TPTE: variants seen among roughly 807,000 people sequenced by gnomAD.
The protein encoded by TPTE is putative tyrosine-protein phosphatase TPTE.
In TPTE, 59 loss-of-function variants were observed where a neutral mutation model predicts 84.1. That is an observed-to-expected ratio of 0.70 (90% CI 0.57 to 0.87). The LOEUF (loss-of-function observed/expected upper bound fraction) is 0.87. TPTE is among the 40% of genes least tolerant of loss of function. The pLI, the probability that TPTE is intolerant of heterozygous loss-of-function variation, is 0.00. For synonymous variants in TPTE, 130 were observed against 223.5 expected (o/e 0.58, Z 3.73); for missense variants, 382 against 659.6 (o/e 0.58, Z 4.61).
intron 17 of TPTE, among the ~76,000 whole-genome samples, chr21:10,579,738 GC>G (rs1367358527): frequency 7.9e-5 from 12 of 151,676 alleles, no homozygotes; most frequent in African/African-American, 2.0e-4. Context: ...TGAATAGTAT[GC>G]CTTTAATTAT....
rs368356447 is a variant in TPTE at position 10,542,370 on chromosome 21, A to G, written c.66-25A>G. The stretch of plus-strand genomic sequence containing the variant: ...AATTCAGAATTATGTCTCCTCTCTG[A>G]CTGTTTTCTCTTATCATCCACTAGT... On this transcript the variant is annotated intron_variant, in intron 5 of 23. Transcript: ENST00000618007. 1,179 of 1,608,246 alleles carry G rather than the reference A, an allele frequency of 7.3e-4. No homozygotes were observed. The African/African-American group carries it at 0.014, about 19-fold the overall frequency.
chr21:10,539,542 C>T (rs567778817), intron 4 of TPTE, among the ~76,000 whole-genome samples: 4 of 152,418 alleles, frequency 2.6e-5, no homozygotes, highest in Admixed American at 1.3e-4. Flanking sequence ...GGCTGTCTGT[C>T]GTGCATTGGC....
intron 8 of TPTE, among the ~76,000 whole-genome samples, chr21:10,553,797 C>A (rs1280752680): frequency 6.6e-6 from 1 of 152,304 alleles, no homozygotes; most frequent in Non-Finnish European, 1.5e-5. Flanking sequence ...AGTCACTAAC[C>A]CTCTTTAACT....
At chr21:10,539,883 C>G (rs1290089656) in intron 4 of TPTE, among the ~76,000 whole-genome samples, 4 of 152,308 alleles carry the variant, frequency 2.6e-5, no homozygotes, top group Non-Finnish European at 5.9e-5. Context: ...GTGGCAGGCA[C>G]CTGTAGTCCC....
intron 7 of TPTE, among the ~76,000 whole-genome samples, chr21:10,546,181 A>G (rs1017434493): frequency 2.0e-5 from 3 of 152,312 alleles, no homozygotes; most frequent in African/African-American, 4.8e-5. Flanking sequence ...TAATTCTTGC[A>G]GTATTCCAAA....
At chr21:10,593,605 A>G (rs1386228558) in intron 19 of TPTE, among the ~76,000 whole-genome samples, 2 of 152,306 alleles carry the variant, frequency 1.3e-5, no homozygotes, top group East Asian at 3.8e-4. Context: ...ATCTCATTTA[A>G]TATTCTCAGT....
chr21:10,566,607 G>T (rs1478794038), intron 10 of TPTE, among the ~76,000 whole-genome samples: 1 of 152,310 alleles, frequency 6.6e-6, no homozygotes, highest in African/African-American at 2.4e-5. Flanking sequence ...AGCAACCTAA[G>T]TGCCCATCAA....
intron 19 of TPTE, among the ~76,000 whole-genome samples, chr21:10,593,543 A>G (rs2075525426): frequency 1.3e-5 from 2 of 152,428 alleles, no homozygotes; most frequent in South Asian, 2.1e-4. Context: ...ATCCTATAGC[A>G]TTTACAACAT....
At chr21:10,582,873 A>G (rs938263191) in intron 17 of TPTE, among the ~76,000 whole-genome samples, 1 of 152,310 alleles carries the variant, frequency 6.6e-6, no homozygotes, top group African/African-American at 2.4e-5. Flanking sequence ...AGCTGGGATT[A>G]CAGGCATCCA....
intron 14 of TPTE, among the ~76,000 whole-genome samples, chr21:10,573,813 T>C (rs1480172357): frequency 2.6e-5 from 4 of 152,306 alleles, no homozygotes; most frequent in African/African-American, 9.6e-5. Context: ...CATTCTCCAG[T>C]AGGCTACTTC....
intron 17 of TPTE, among the ~76,000 whole-genome samples, chr21:10,590,109 TATATTA>T (rs2075439901): frequency 6.6e-6 from 1 of 152,310 alleles, no homozygotes; most frequent in Non-Finnish European, 1.5e-5. Context: ...TGGAATCAGT[TATATTA>T]ACGTACTAAA....
At chr21:10,558,798 T>C (rs2074734227) in intron 8 of TPTE, among the ~76,000 whole-genome samples, 1 of 152,196 alleles carries the variant, frequency 6.6e-6, no homozygotes, top group African/African-American at 2.4e-5. Flanking sequence ...ACAGGAGGCT[T>C]CAGTAGGACA....
chr21:10,563,108 T>C (rs560261519), intron 10 of TPTE, among the ~76,000 whole-genome samples: 308 of 152,282 alleles, frequency 2.0e-3, no homozygotes, highest in African/African-American at 6.7e-3. Flanking sequence ...GCATGACATA[T>C]TGAAAGTGCT....
At chr21:10,584,275 G>A (rs1269295664) in intron 17 of TPTE, among the ~76,000 whole-genome samples, 1,089 of 149,662 alleles carry the variant, frequency 7.3e-3, no homozygotes, top group African/African-American at 0.026. Flanking sequence ...AATGTTTTTT[G>A]TTGTTTTAAA....
chr21:10,552,508 C>G (rs546500509), intron 7 of TPTE, 149 bp from the exon 8 acceptor site: 504 of 1,359,176 alleles, frequency 3.7e-4, no homozygotes, highest in Non-Finnish European at 3.8e-4. Flanking sequence ...AATTTTCTCT[C>G]TTAAATATTA....
At chr21:10,597,626 G>A (rs548680942) in intron 20 of TPTE, among the ~76,000 whole-genome samples, 14 of 152,386 alleles carry the variant, frequency 9.2e-5, no homozygotes, top group South Asian at 2.1e-4. Flanking sequence ...TCTAGGCCAC[G>A]CTGGTTTAGA....
chr21:10,556,207 G>C (rs1243623138), intron 8 of TPTE, among the ~76,000 whole-genome samples: 6 of 152,268 alleles, frequency 3.9e-5, no homozygotes, highest in Admixed American at 3.9e-4. Flanking sequence ...CCCACCCCAT[G>C]ACAGGCCCTG....
At chr21:10,530,471 G>GT (rs1447800211) in intron 3 of TPTE, among the ~76,000 whole-genome samples, 1 of 152,304 alleles carries the variant, frequency 6.6e-6, no homozygotes, top group African/African-American at 2.4e-5. Context: ...CATTTTGTTA[G>GT]TTTTTTGCAT....
chr21:10,540,992 T>G, intron 4 of TPTE, 120 bp from the exon 5 acceptor site: 1 of 1,442,616 alleles, frequency 6.9e-7, no homozygotes. Flanking sequence ...TTTAGTGATA[T>G]ACATACATGT....
Sources: allele counts gnomAD v4.1 joint callset (sites outside exome capture counted in the v4.1 genomes callset), GRCh38; gene constraint gnomAD v4.1.1; transcripts MANE v1.5; gene names NCBI Gene and HGNC (gene_info 2026-07-23, HGNC 2026-07-21).